ELAVL3: variants seen among roughly 807,000 people sequenced by gnomAD.
ELAVL3 encodes ELAV like RNA binding protein 3, also known as ELAV-like protein 3.
Under a neutral mutation model 34.2 loss-of-function variants are expected in ELAVL3, and 8 were observed. That is an observed-to-expected ratio of 0.23 (90% confidence interval 0.14 to 0.42). The LOEUF is 0.42. ELAVL3 is among the 10% of genes least tolerant of loss of function. The probability of loss-of-function intolerance (pLI) is 1.00; values close to 1 mark genes in which losing one functional copy is unlikely to be tolerated. For synonymous variants in ELAVL3, 209 were observed against 222.1 expected (o/e 0.94, Z 0.53); for missense variants, 273 against 518.8 (o/e 0.53, Z 4.60).
chr19:11,466,032 G>T lies in ELAVL3; in HGVS notation c.333+140C>A, dbSNP rs1053915492. The stretch of plus-strand genomic sequence containing the variant: ...CCCACCCCAGCTAGGAAGTCTTGGA[G>T]GGGAGATTTGAGCCCCTCTGGGGAT... On this transcript the variant is annotated intron_variant, in intron 3 of 6. Transcript: ENST00000359227. The surrounding 1 kb of genome is among the most constrained non-coding windows in gnomAD (Gnocchi z 5.0). The T allele has an allele frequency of 9.3e-5, 70 of 753,222 alleles. No individual in the cohort carries two copies. The highest frequency in any genetic ancestry group is 3.8e-4 in the Middle Eastern group (1 of 2,666). The allele number at this position is 753,222 out of a possible 1,614,324, so 46.7% of individuals were successfully genotyped here. A position where few individuals can be genotyped will look rare whatever the true frequency, so the allele number is the denominator to read the frequency against.
intron 1 of ELAVL3, among the ~76,000 whole-genome samples, chr19:11,474,330 C>T (rs1971223045): frequency 6.6e-6 from 1 of 152,152 alleles, no homozygotes; most frequent in African/African-American, 2.4e-5. Context: ...GGCACGGTTG[C>T]TCACGTCTGT....
chr19:11,456,449 C>G (rs1223308670), intron 6 of ELAVL3, among the ~76,000 whole-genome samples: 1 of 151,976 alleles, frequency 6.6e-6, no homozygotes, highest in African/African-American at 2.4e-5. Context: ...ATTCATTTCT[C>G]TGTCTCCTCC....
rs898513061 is a variant in ELAVL3, at chr19:11,457,438, A to G, written c.714-290T>C. ...GGCCCAGGCGCTGGGATCCCTGGGG[A>G]AAGATAACTCCTAACAAAGGCGACA... On this transcript the variant is annotated intron_variant, in intron 5 of 6. Transcript: ENST00000359227. Among the ~76,000 whole-genome samples the G allele has an allele frequency of 2.1e-4, 32 of 152,236 alleles. 1 individual carries two copies. In the East Asian group the frequency reaches 3.3e-3, roughly 16 times the overall value.
At chr19:11,464,906 A>G (rs1312353555) in intron 3 of ELAVL3, among the ~76,000 whole-genome samples, 1 of 61,668 alleles carries the variant, frequency 1.6e-5, no homozygotes, top group Non-Finnish European at 3.3e-5. Context: ...ACACACCACA[A>G]ACACACACCA....
chr19:11,478,506 TG>T (rs139329188), intron 1 of ELAVL3, among the ~76,000 whole-genome samples: 4 of 151,600 alleles, frequency 2.6e-5, no homozygotes, highest in South Asian at 2.1e-4. Context: ...CAGACAGAGA[TG>T]GGGGGGTGGC....
In ELAVL3 at chr19:11,480,396, C is replaced by T. The variant is rs1028931396; in HGVS notation, c.9+204G>A. 2 of 506,730 alleles carry T rather than the reference C, an allele frequency of 3.9e-6. No homozygotes were observed. Among genetic ancestry groups the T allele is most frequent in the Admixed American group, 4.4e-5 (1 of 22,770 alleles). The allele number at this position is 506,730 out of a possible 1,614,324, so 31.4% of individuals were successfully genotyped here. On this transcript the variant is annotated intron_variant, in intron 1 of 6. Coordinates refer to ENST00000359227, the MANE Select transcript of ELAVL3 (RefSeq NM_001420.4). This position sits in a 1 kb window ranked among gnomAD's most constrained non-coding sequence, Gnocchi z 6.8. The stretch of plus-strand genomic sequence containing the variant: ...GAATCGCAGTCAGTCTCCCTAAGGC[C>T]CTCTCAGACCAAGCTCTAAGCGCCC...
chr19:11,472,562 A>G lies in ELAVL3; in HGVS notation c.10-5735T>C, dbSNP rs559735350. ...CAAGAAATTTAAAAATTAGCTAGTC[A>G]TGGTGGCTTGCACCTGTGGTCCCAG... On this transcript the variant is annotated intron_variant, in intron 1 of 6. Coordinates refer to ENST00000359227, the MANE Select transcript of ELAVL3 (RefSeq NM_001420.4). Among the ~76,000 whole-genome samples, 6 of 150,560 alleles carry G rather than the reference A, an allele frequency of 4.0e-5. No individual in the cohort carries two copies. The South Asian group carries it at 1.3e-3, about 32-fold the overall frequency.
rs1201093124 is a variant in ELAVL3 at position 11,454,516 on chromosome 19, C to T, written c.*10G>A. On this transcript the variant is annotated 3_prime_UTR_variant, in exon 7 of 7. Coordinates refer to ENST00000359227, the MANE Select transcript of ELAVL3 (RefSeq NM_001420.4). This position sits in a 1 kb window ranked among gnomAD's most constrained non-coding sequence, Gnocchi z 9.2. The stretch of plus-strand genomic sequence containing the variant: ...CCCGGGGAGGGGGTGGGAGGGCAGG[C>T]GGGGTGGGCTCACGCCTTGTGCTGT... 5 of 1,570,382 alleles carry T rather than the reference C, an allele frequency of 3.2e-6. No homozygotes were observed. Among genetic ancestry groups the T allele is most frequent in the Admixed American group, 1.7e-5 (1 of 57,402 alleles).
intron 1 of ELAVL3, among the ~76,000 whole-genome samples, chr19:11,479,853 C>T (rs1329941326): frequency 6.6e-6 from 1 of 151,730 alleles, no homozygotes; most frequent in Admixed American, 6.6e-5. Flanking sequence ...GAGCCTGGAC[C>T]TGGCCTAAGG....
chr19:11,451,519 G>GT lies in ELAVL3; in HGVS notation c.*3006dup, dbSNP rs1313264854. The GT allele has an allele frequency of 8.0e-4, 24 of 29,922 alleles. No homozygotes were observed. Among genetic ancestry groups the GT allele is most frequent in the African/African-American group, 1.7e-3 (12 of 7,170 alleles). The allele number at this position is 29,922 out of a possible 1,614,324, so 1.9% of individuals were successfully genotyped here. On this transcript the variant is annotated 3_prime_UTR_variant, in exon 7 of 7. Transcript: ENST00000359227. The stretch of plus-strand genomic sequence containing the variant: ...CTTTTTTTTTTTTTTTTTTTTTACA[G>GT]TTTTTTATCACCTCCAACATGGACT...
intron 3 of ELAVL3, among the ~76,000 whole-genome samples, chr19:11,459,708 T>G (rs1970844646): frequency 6.6e-6 from 1 of 152,174 alleles, no homozygotes; most frequent in African/African-American, 2.4e-5. Flanking sequence ...CCACCATGCC[T>G]GGCCTATTTT....
Position 11,466,682 on chromosome 19 carries a change from T to G in ELAVL3, c.155A>C (p.Gln52Pro). ...GCCGAAGAGACTCTTGAACTCATCC[T>G]GGGTCATGTTCTGGGGCAGGTAGTT... ...IVNYLPQNMT[Q>P]DEFKSLFGSI... Residue 52 changes from glutamine to proline, a missense_variant, in exon 2 of 7, where the codon CAG (glutamine) becomes CCG (proline). Coordinates refer to ENST00000359227, the MANE Select transcript of ELAVL3 (RefSeq NM_001420.4). This position sits in a 1 kb window ranked among gnomAD's most constrained non-coding sequence, Gnocchi z 5.0. 6.2e-7 allele frequency: 1 copy of G among 1,614,246 alleles called. No homozygotes were observed. Among genetic ancestry groups the G allele is most frequent in the Non-Finnish European group, 8.5e-7 (1 of 1,180,034 alleles).
chr19:11,459,996 T>A (rs1970849677), intron 3 of ELAVL3, among the ~76,000 whole-genome samples: 1 of 151,932 alleles, frequency 6.6e-6, no homozygotes, highest in Admixed American at 6.6e-5. Context: ...CTCCCAAATG[T>A]CCCCAGTCTG....
intron 3 of ELAVL3, among the ~76,000 whole-genome samples, chr19:11,460,333 C>G (rs1429007415): frequency 1.3e-5 from 2 of 148,602 alleles, no homozygotes; most frequent in African/African-American, 2.5e-5. Flanking sequence ...TCCACCCTGG[C>G]CCCCCCTGCT....
In ELAVL3 at chr19:11,476,552, A is replaced by G. The variant is rs1011758761; in HGVS notation, c.9+4048T>C. Among the ~76,000 whole-genome samples, 457 of 112,952 alleles carry G rather than the reference A, an allele frequency of 4.0e-3. 4 individuals carry two copies. The highest frequency in any genetic ancestry group is 0.025 in the African/African-American group (425 of 17,056). The allele number at this position is 112,952 out of a possible 152,430, so 74.1% of individuals were successfully genotyped here. On this transcript the variant is annotated intron_variant, in intron 1 of 6. Transcript: ENST00000359227. ...GGGTGAGACCCTGACTCTTAAGGGA[A>G]AAAAAAAAAAATGAAGGAATAGGAA...
chr19:11,465,385 TAC>T (rs935866366), intron 3 of ELAVL3, among the ~76,000 whole-genome samples: 5 of 149,438 alleles, frequency 3.3e-5, no homozygotes, highest in African/African-American at 1.2e-4. Flanking sequence ...CATACACACA[TAC>T]ACACACACAT....
intron 3 of ELAVL3, among the ~76,000 whole-genome samples, chr19:11,460,274 C>T (rs1469736809): frequency 6.6e-6 from 1 of 152,072 alleles, no homozygotes; most frequent in African/African-American, 2.4e-5. Context: ...GCCACTGTCC[C>T]ACCCTGGCCC....
At chr19:11,472,392 T>C (rs1011948582) in intron 1 of ELAVL3, among the ~76,000 whole-genome samples, 1 of 151,532 alleles carries the variant, frequency 6.6e-6, no homozygotes, top group African/African-American at 2.4e-5. Context: ...GAGGAATGAA[T>C]TAAGAAGAAT....
intron 1 of ELAVL3, among the ~76,000 whole-genome samples, chr19:11,477,785 C>A (rs530240843): frequency 4.0e-5 from 6 of 151,844 alleles, no homozygotes; most frequent in South Asian, 2.1e-4. Context: ...CTCTGCCTCC[C>A]GGGTTCAGGC....
Sources: allele counts gnomAD v4.1 joint callset (sites outside exome capture counted in the v4.1 genomes callset), GRCh38; gene constraint gnomAD v4.1.1; non-coding constraint Gnocchi (gnomAD v3.1); transcripts MANE v1.5; gene names NCBI Gene and HGNC (gene_info 2026-07-23, HGNC 2026-07-21).